Variants in ACER3 observed in about 807,000 individuals in gnomAD.
ACER3 encodes alkaline ceramidase 3, also known as alkCDase 3.
ACER3 carries 16 observed loss-of-function variants against 48.9 expected under a neutral mutation model. The ratio of observed to expected loss-of-function variants is 0.33; its 90% confidence interval spans 0.22 to 0.50. The LOEUF is 0.50. Among genes scored for constraint, ACER3 ranks in the 20% least tolerant of loss-of-function variants. The pLI is 0.98. For synonymous variants in ACER3, 109 were observed against 107.8 expected, an observed-to-expected ratio of 1.01 and a Z score of -0.07; for missense variants, 227 against 326.0, an observed-to-expected ratio of 0.70 and a Z score of 2.34.
At chr11:76,998,423 A>AAGATAAAGAGAAGAGAGG in intron 6 of ACER3, 1 of 213,528 alleles carries the variant, frequency 4.7e-6, no homozygotes, top group Non-Finnish European at 9.2e-6. Context: ...GCTGAAAGCA[A>AAGATAAAGAGAAGAGAGG]AGCTAAAGAG....
chr11:76,873,753 T>A (rs1451752643), intron 1 of ACER3, among the ~76,000 whole-genome samples: 1 of 152,090 alleles, frequency 6.6e-6, no homozygotes, highest in African/African-American at 2.4e-5. Context: ...TGATTGATTT[T>A]TTTTTTTAAG....
At chr11:76,926,156 C>G (rs115161774) in intron 1 of ACER3, among the ~76,000 whole-genome samples, 278 of 152,218 alleles carry the variant, frequency 1.8e-3, no homozygotes, top group African/African-American at 6.4e-3. Context: ...TTCCAAGTAA[C>G]AAAATTAAGC....
intron 3 of ACER3, among the ~76,000 whole-genome samples, chr11:76,966,913 C>A (rs1948152447): frequency 6.6e-6 from 1 of 151,574 alleles, no homozygotes; most frequent in Admixed American, 6.6e-5. Flanking sequence ...GAAGCAAGAG[C>A]AAACACATTC....
intron 2 of ACER3, among the ~76,000 whole-genome samples, chr11:76,938,084 G>A (rs572325538): frequency 1.3e-4 from 20 of 152,206 alleles, no homozygotes; most frequent in Non-Finnish European, 2.5e-4. Context: ...GTGCAATCAC[G>A]GCTCTCTACA....
intron 1 of ACER3, among the ~76,000 whole-genome samples, chr11:76,870,562 G>A (rs1330113099): frequency 1.3e-5 from 2 of 152,204 alleles, no homozygotes; most frequent in Admixed American, 6.5e-5. Flanking sequence ...ACTGCTGGAC[G>A]ATGTGGTAGC....
intron 8 of ACER3, among the ~76,000 whole-genome samples, chr11:77,015,675 T>A (rs1949352057): frequency 6.6e-6 from 1 of 152,154 alleles, no homozygotes; most frequent in Non-Finnish European, 1.5e-5. Context: ...TCATTCCAAC[T>A]CTAAATCCTG....
chr11:76,941,123 AT>A (rs1004664926), intron 2 of ACER3, among the ~76,000 whole-genome samples: 1 of 152,058 alleles, frequency 6.6e-6, no homozygotes, highest in Non-Finnish European at 1.5e-5. Context: ...CAGAGATTTT[AT>A]TTCAAATCAA....
intron 2 of ACER3, among the ~76,000 whole-genome samples, chr11:76,948,198 A>C (rs1947524863): frequency 6.8e-6 from 1 of 146,508 alleles, no homozygotes; most frequent in Admixed American, 6.9e-5. Context: ...CTGTAGCTCC[A>C]TTCTGGCTCA....
intron 1 of ACER3, among the ~76,000 whole-genome samples, chr11:76,867,297 C>T (rs1345298213): frequency 6.6e-6 from 1 of 151,316 alleles, no homozygotes; most frequent in East Asian, 1.9e-4. Context: ...GATGAGACAC[C>T]GTCTCTACTA....
intron 2 of ACER3, among the ~76,000 whole-genome samples, chr11:76,942,278 A>G (rs1431067077): frequency 2.6e-5 from 4 of 152,158 alleles, no homozygotes; most frequent in African/African-American, 7.2e-5. Flanking sequence ...ACTTTTCCAC[A>G]TTAAGTATGA....
At chr11:76,978,917 G>A (rs1433122458) in intron 4 of ACER3, among the ~76,000 whole-genome samples, 1 of 152,232 alleles carries the variant, frequency 6.6e-6, no homozygotes, top group Non-Finnish European at 1.5e-5. Context: ...GGCTTCTGGA[G>A]CTGCCTGCCC....
chr11:76,929,342 C>T (rs1043558633), intron 2 of ACER3, among the ~76,000 whole-genome samples: 1 of 152,182 alleles, frequency 6.6e-6, no homozygotes, highest in African/African-American at 2.4e-5. Context: ...AGTTGCTTAT[C>T]AGCTTAAGGA....
At chr11:76,863,421 A>G (rs540378418) in intron 1 of ACER3, among the ~76,000 whole-genome samples, 1 of 152,310 alleles carries the variant, frequency 6.6e-6, no homozygotes, top group African/African-American at 2.4e-5. Context: ...GGTTGCAAGA[A>G]GAGGATGAGT....
intron 1 of ACER3, among the ~76,000 whole-genome samples, chr11:76,924,837 A>G (rs373049193): frequency 2.6e-5 from 4 of 152,052 alleles, no homozygotes; most frequent in South Asian, 2.1e-4. Context: ...TTAGCTGGGC[A>G]TGATGGCATG....
intron 7 of ACER3, among the ~76,000 whole-genome samples, chr11:77,012,828 G>A (rs1440358052): frequency 6.6e-6 from 1 of 152,170 alleles, no homozygotes; most frequent in Non-Finnish European, 1.5e-5. Flanking sequence ...ACTGCGAATA[G>A]CCAAAACAGT....
At chr11:76,867,468 CAAAAAAAAAAAAA>C (rs1156610809) in intron 1 of ACER3, among the ~76,000 whole-genome samples, 5 of 19,636 alleles carry the variant, frequency 2.5e-4, no homozygotes, top group African/African-American at 8.2e-4. Context: ...GACTCTGTCT[CAAAAAAAAAAAAA>C]AAAAAAAAAA....
chr11:76,964,458 G>A (rs1948083327), intron 3 of ACER3, among the ~76,000 whole-genome samples: 1 of 151,344 alleles, frequency 6.6e-6, no homozygotes, highest in South Asian at 2.1e-4. Context: ...CAGCTTTGAA[G>A]AGAGTAGTGG....
chr11:76,968,484 A>T (rs1948201085), intron 3 of ACER3, among the ~76,000 whole-genome samples: 1 of 152,240 alleles, frequency 6.6e-6, no homozygotes, highest in Non-Finnish European at 1.5e-5. Context: ...CGCATAGCCA[A>T]GTCAATCCTA....
chr11:76,909,565 A>G (rs559446069), intron 1 of ACER3, among the ~76,000 whole-genome samples: 6 of 152,354 alleles, frequency 3.9e-5, no homozygotes, highest in East Asian at 1.9e-4. Flanking sequence ...CAAAACCACA[A>G]TGAGATACCA....
Sources: gnomAD v4.1 joint callset for allele counts (sites outside exome capture counted in the v4.1 genomes callset) on GRCh38, gnomAD v4.1.1 for gene constraint, MANE v1.5 for transcripts, NCBI Gene and HGNC (gene_info 2026-07-23, HGNC 2026-07-21) for gene names.